The following NELL2 variants were observed in gnomAD, a reference collection of about 807,000 sequenced individuals.
NELL2 encodes the protein protein kinase C-binding protein NELL2.
NELL2 carries 41 observed loss-of-function variants against 109.6 expected under a neutral mutation model. That is an observed-to-expected ratio of 0.37 (90% CI 0.29 to 0.49). The LOEUF (loss-of-function observed/expected upper bound fraction) is 0.49, where lower values mean the gene tolerates loss of function less well. Among genes scored for constraint, NELL2 ranks in the 20% least tolerant of loss-of-function variants. The pLI is 0.98. For missense variants in NELL2, 900 were observed against 1,008.3 expected (o/e 0.89, Z 1.45); for synonymous variants, 355 against 344.7 (o/e 1.03, Z -0.33).
At chr12:44,805,187 T>A (rs971804673) in intron 3 of NELL2, among the ~76,000 whole-genome samples, 2 of 151,874 alleles carry the variant, frequency 1.3e-5, no homozygotes, top group Non-Finnish European at 2.9e-5. Flanking sequence ...TGTTACTACA[T>A]TAACCCATAA....
chr12:44,605,664 C>A (rs73284035), intron 15 of NELL2, among the ~76,000 whole-genome samples: 3,802 of 152,200 alleles, frequency 0.025, 155 homozygotes, highest in African/African-American at 0.085. Flanking sequence ...ACTGTTCATC[C>A]CAGATTTTCT....
intron 2 of NELL2, among the ~76,000 whole-genome samples, chr12:44,830,698 C>T (rs1292182678): frequency 6.6e-6 from 1 of 151,810 alleles, no homozygotes; most frequent in South Asian, 2.1e-4. Context: ...AGAGATTTTA[C>T]AAAAAAAGAG....
At chr12:44,607,431 C>A (rs928069582) in intron 14 of NELL2, among the ~76,000 whole-genome samples, 167 bp from the exon 15 acceptor site, 1 of 152,064 alleles carries the variant, frequency 6.6e-6, no homozygotes, top group Admixed American at 6.6e-5. Context: ...AACTTCAACA[C>A]AACTTGTAAA....
At chr12:44,882,637 C>T (rs1345092504) in intron 1 of NELL2, among the ~76,000 whole-genome samples, 1 of 151,558 alleles carries the variant, frequency 6.6e-6, no homozygotes, top group African/African-American at 2.4e-5. Context: ...GAGCAATTCT[C>T]CTGCCTCAGC....
intron 15 of NELL2, among the ~76,000 whole-genome samples, chr12:44,573,524 A>G (rs561496429): frequency 1.6e-3 from 246 of 152,354 alleles, no homozygotes; most frequent in Non-Finnish European, 2.9e-3. Flanking sequence ...AAAACCCACT[A>G]ATAAATAGAA....
intron 13 of NELL2, among the ~76,000 whole-genome samples, chr12:44,664,934 C>T (rs1947871979): frequency 6.6e-6 from 1 of 152,032 alleles, no homozygotes; most frequent in Non-Finnish European, 1.5e-5. Context: ...CAACTTCAGA[C>T]ACTACTAACA....
chr12:44,736,104 G>A (rs1305582144), intron 9 of NELL2, among the ~76,000 whole-genome samples: 21 of 146,370 alleles, frequency 1.4e-4, no homozygotes, highest in African/African-American at 2.8e-4. Flanking sequence ...TCCGCCTCCC[G>A]GGTTCACGCC....
intron 2 of NELL2, among the ~76,000 whole-genome samples, chr12:44,869,247 A>T (rs765736909): frequency 3.7e-4 from 56 of 152,168 alleles, no homozygotes; most frequent in Admixed American, 1.1e-3. Flanking sequence ...AACAATTGCC[A>T]TATCCAAGCA....
In NELL2 at chr12:44,794,703, C is replaced by T. The variant is rs1183265341; in HGVS notation, c.336-14681G>A. Among the ~76,000 whole-genome samples the T allele has an allele frequency of 5.3e-5, 8 of 152,148 alleles. No individual in the cohort carries two copies. The East Asian group carries it at 1.2e-3, about 22-fold the overall frequency. The stretch of plus-strand genomic sequence containing the variant: ...ACCAACACATTAAAATTATGACTAC[C>T]GGGAAAATACATAATTGGAATAAAA... On this transcript the variant is annotated intron_variant, in intron 3 of 19. Coordinates refer to ENST00000429094, the MANE Select transcript of NELL2 (RefSeq NM_001145108.2).
chr12:44,557,767 T>C (rs1426105103), intron 15 of NELL2, among the ~76,000 whole-genome samples: 1 of 151,818 alleles, frequency 6.6e-6, no homozygotes, highest in Non-Finnish European at 1.5e-5. Flanking sequence ...GCCATGGAAA[T>C]AAATGAGAGG....
chr12:44,674,582 G>T (rs889398800), intron 12 of NELL2, among the ~76,000 whole-genome samples: 1 of 152,184 alleles, frequency 6.6e-6, no homozygotes, highest in Non-Finnish European at 1.5e-5. Flanking sequence ...TTATGGGAAA[G>T]GGGACATAAT....
chr12:44,887,689 T>C (rs1945490248), intron 1 of NELL2, among the ~76,000 whole-genome samples: 1 of 151,746 alleles, frequency 6.6e-6, no homozygotes. Flanking sequence ...GTTGTTGTTG[T>C]TTTGCTATTG....
At chr12:44,799,194 G>A (rs1029052576) in intron 3 of NELL2, among the ~76,000 whole-genome samples, 3 of 151,864 alleles carry the variant, frequency 2.0e-5, no homozygotes, top group Admixed American at 6.6e-5. Context: ...TCCTGACCTC[G>A]TGTTCCACCC....
At chr12:44,543,449 G>A (rs1942664334) in intron 15 of NELL2, among the ~76,000 whole-genome samples, 1 of 152,138 alleles carries the variant, frequency 6.6e-6, no homozygotes, top group Non-Finnish European at 1.5e-5. Context: ...GCAGTCAGAA[G>A]ATCCCTTAAA....
rs1010264384 is a variant in NELL2 at position 44,532,683 on chromosome 12, T to G, written c.1702A>C (p.Ser568Arg). 2 of 1,613,572 alleles carry G rather than the reference T, an allele frequency of 1.2e-6. No individual in the cohort carries two copies. The highest frequency in any genetic ancestry group is 1.7e-6 in the Non-Finnish European group (2 of 1,179,630). The change falls in exon 16 of 20, where the codon AGT (serine) becomes CGT (arginine). Residue 568 changes from serine to arginine, a missense_variant. Physicochemically the swap from Ser to Arg is moderately radical, Grantham distance 110. Transcript: ENST00000429094. Reference protein sequence around the residue: ...ECSDGFVQCDSRANCINLPGW... With the variant: ...ECSDGFVQCDRRANCINLPGW... ...GGCAGGTTAATGCAATTAGCACGAC[T>G]GTCACATTGAACAAAACCATCAGAG...
At chr12:44,879,497 G>A (rs936539689), upstream of NELL2, among the ~76,000 whole-genome samples, 11 of 151,440 alleles carry the variant, frequency 7.3e-5, 1 homozygote, top group African/African-American at 2.7e-4. Flanking sequence ...TCACAGATGA[G>A]CTTTAAATTA....
chr12:44,527,388 A>G (rs1298393549), intron 16 of NELL2, among the ~76,000 whole-genome samples: 1 of 152,206 alleles, frequency 6.6e-6, no homozygotes, highest in Non-Finnish European at 1.5e-5. Flanking sequence ...TGGATAAGGA[A>G]AATAGGACTC....
intron 17 of NELL2, chr12:44,522,671 T>C (rs1340241054): frequency 6.5e-6 from 1 of 153,102 alleles, no homozygotes; most frequent in African/African-American, 2.4e-5. Flanking sequence ...GTACATAATA[T>C]TATTCATCTG....
At chr12:44,517,852 A>G (rs1001999819) in intron 19 of NELL2, among the ~76,000 whole-genome samples, 17 of 152,136 alleles carry the variant, frequency 1.1e-4, no homozygotes, top group Non-Finnish European at 2.2e-4. Context: ...GTATTTATCA[A>G]TTAGAAACAA....
Sources: allele counts gnomAD v4.1 joint callset (sites outside exome capture counted in the v4.1 genomes callset), GRCh38; gene constraint gnomAD v4.1.1; transcripts MANE v1.5; gene names NCBI Gene and HGNC (gene_info 2026-07-23, HGNC 2026-07-21).